DARS1: variants seen among roughly 807,000 people sequenced by gnomAD.
DARS1 encodes aspartyl-tRNA synthetase 1, also known as aspartate--tRNA ligase, cytoplasmic.
In DARS1, 51 loss-of-function variants were observed where a neutral mutation model predicts 68.8. The ratio of observed to expected loss-of-function variants is 0.74; its 90% CI spans 0.59 to 0.94. The LOEUF is 0.94. Ranked by LOEUF, DARS1 falls within the 40% of genes least tolerant of loss-of-function variation. DARS1 has a pLI of 0.00. For synonymous variants in DARS1, 203 were observed against 190.4 expected (o/e 1.07, Z -0.55); for missense variants, 607 against 597.3 (o/e 1.02, Z -0.17).
At chr2:135,940,848 C>T (rs1681579498) in intron 5 of DARS1, among the ~76,000 whole-genome samples, 1 of 152,166 alleles carries the variant, frequency 6.6e-6, no homozygotes, top group Non-Finnish European at 1.5e-5. Flanking sequence ...AAATCACAAG[C>T]CTTCCTATAC....
intron 5 of DARS1, among the ~76,000 whole-genome samples, chr2:135,940,839 A>G (rs1681579372): frequency 1.3e-5 from 2 of 152,194 alleles, no homozygotes; most frequent in Non-Finnish European, 2.9e-5. Flanking sequence ...AATGTACAAA[A>G]ATCACAAGCC....
At position 135,909,594 on chromosome 2, in the gene DARS1, C is replaced by T. The variant is rs112767522; in HGVS notation, c.1414+1545G>A. 1.2e-3 allele frequency among the ~76,000 whole-genome samples: 189 copies of T among 152,228 alleles called. 1 individual carries two copies. The highest frequency in any genetic ancestry group is 4.3e-3 in the African/African-American group (179 of 41,542). On this transcript the variant is annotated intron_variant, in intron 15 of 15. Coordinates refer to ENST00000264161, the MANE Select transcript of DARS1 (RefSeq NM_001349.4). ...TTTATACCCTTTGACCATCTTCTCC[C>T]CATTCCAACAACCATTCTACTCTTT...
At chr2:135,939,251 A>C (rs1382614602) in intron 5 of DARS1, among the ~76,000 whole-genome samples, 1 of 152,244 alleles carries the variant, frequency 6.6e-6, no homozygotes, top group Non-Finnish European at 1.5e-5. Flanking sequence ...TTGACCACAT[A>C]GCTGGAAGCA....
Position 135,907,244 on chromosome 2 carries a change from T to TC in DARS1, c.*71_*72insG. Reference sequence around the variant, plus strand: ...CTGAAAAGAATAAGTGTGGCTTTCTTTTTTTTTTTTTTTTTTTGAGGCAGG... The same window carrying TC: ...CTGAAAAGAATAAGTGTGGCTTTCTTCTTTTTTTTTTTTTTTTTGAGGCAGG... On this transcript the variant is annotated 3_prime_UTR_variant, in exon 16 of 16. Coordinates refer to ENST00000264161, the MANE Select transcript of DARS1 (RefSeq NM_001349.4). 2 of 300,336 alleles carry TC rather than the reference T, an allele frequency of 6.7e-6. No homozygotes were observed. Among genetic ancestry groups the TC allele is most frequent in the South Asian group, 1.4e-4 (2 of 13,952 alleles). 18.6% of individuals were successfully genotyped at this position (300,336 alleles called of 1,614,324 possible). A position where few individuals can be genotyped will look rare whatever the true frequency, so the allele number is the denominator to read the frequency against.
chr2:135,934,636 AAAC>A (rs1681426639), intron 5 of DARS1, among the ~76,000 whole-genome samples: 1 of 152,026 alleles, frequency 6.6e-6, no homozygotes, highest in Non-Finnish European at 1.5e-5. Context: ...ACAAAAACAG[AAAC>A]AAAAACAAAC....
chr2:135,985,531 AG>A lies in DARS1; in HGVS notation c.-64del, dbSNP rs756259004. On this transcript the variant is annotated 5_prime_UTR_variant, in exon 1 of 16. Transcript: ENST00000264161. ...CGCAGGCTTCCGTAAGGCAGGCCAA[AG>A]GGGCTTCTCCCTCCCTCCCAGTCTC... is the stretch of plus-strand genomic sequence containing the variant. The A allele has an allele frequency of 1.2e-6, 2 of 1,612,256 alleles. No individual in the cohort carries two copies. Among genetic ancestry groups the A allele is most frequent in the African/African-American group, 2.7e-5 (2 of 74,882 alleles).
chr2:135,920,382 G>A, intron 10 of DARS1, 71 bp downstream of exon 10: 2 of 1,499,942 alleles, frequency 1.3e-6, no homozygotes, highest in Non-Finnish European at 1.8e-6. Context: ...TGTTTAAATT[G>A]AAGAATTTTT....
At chr2:135,918,784 A>G (rs1161853616) in intron 10 of DARS1, among the ~76,000 whole-genome samples, 1 of 152,226 alleles carries the variant, frequency 6.6e-6, no homozygotes, top group Non-Finnish European at 1.5e-5. Context: ...AAATGAGAAA[A>G]GCTGTGTGTG....
chr2:135,944,167 G>A (rs1243195448), intron 4 of DARS1, among the ~76,000 whole-genome samples: 4 of 152,032 alleles, frequency 2.6e-5, no homozygotes, highest in African/African-American at 9.7e-5. Context: ...AATTTATAAA[G>A]TAGCTTATTA....
intron 7 of DARS1, among the ~76,000 whole-genome samples, chr2:135,930,665 T>C (rs1681321685): frequency 6.6e-6 from 1 of 152,134 alleles, no homozygotes; most frequent in Admixed American, 6.5e-5. Flanking sequence ...GATAAAGAAA[T>C]AAAAGAAATA....
chr2:135,933,446 G>A (rs2104810589), intron 6 of DARS1, among the ~76,000 whole-genome samples: 1 of 152,290 alleles, frequency 6.6e-6, no homozygotes, highest in Admixed American at 6.5e-5. Flanking sequence ...TATATAAACA[G>A]AATGTCATCC....
chr2:135,914,205 T>A (rs1018056351), intron 12 of DARS1, among the ~76,000 whole-genome samples: 1 of 152,190 alleles, frequency 6.6e-6, no homozygotes, highest in Non-Finnish European at 1.5e-5. Flanking sequence ...TAATCCGACA[T>A]AGGTATCACT....
intron 15 of DARS1, chr2:135,910,881 C>A (rs374188335): frequency 8.4e-6 from 3 of 358,824 alleles, no homozygotes; most frequent in Non-Finnish European, 1.6e-5. Flanking sequence ...TGTGCTAATG[C>A]GAATGAACTC....
intron 6 of DARS1, among the ~76,000 whole-genome samples, 174 bp from the exon 7 acceptor site, chr2:135,933,016 A>G (rs960500889): frequency 6.6e-6 from 1 of 152,228 alleles, no homozygotes; most frequent in African/African-American, 2.4e-5. Context: ...GAGAGAAGTT[A>G]GCGTTAAAAG....
At chr2:135,952,755 C>T (rs577624514) in intron 4 of DARS1, among the ~76,000 whole-genome samples, 1 of 152,308 alleles carries the variant, frequency 6.6e-6, no homozygotes, top group African/African-American at 2.4e-5. Context: ...ATATCCCACA[C>T]TTTATCCATT....
intron 10 of DARS1, among the ~76,000 whole-genome samples, chr2:135,919,457 G>A (rs1681070558): frequency 6.6e-6 from 1 of 152,132 alleles, no homozygotes; most frequent in Admixed American, 6.5e-5. Context: ...TGAATTGCTG[G>A]TCTTCAAATA....
At position 135,918,598 on chromosome 2, in the gene DARS1, T is replaced by C. The variant is rs553327932; in HGVS notation, c.959+1855A>G. Among the ~76,000 whole-genome samples, 33 of 152,298 alleles carry C rather than the reference T, an allele frequency of 2.2e-4. No homozygotes were observed. In the South Asian group the frequency reaches 4.1e-3, roughly 19 times the overall value. ...CTGAAAAAGTTCAGCAGTAATGGCG[T>C]TTGAGTCTAATTTGTAAGTAGAGAT... On this transcript the variant is annotated intron_variant, in intron 10 of 15. Transcript: ENST00000264161.
chr2:135,937,877 C>T (rs1681504764), intron 5 of DARS1, among the ~76,000 whole-genome samples: 2 of 152,228 alleles, frequency 1.3e-5, no homozygotes, highest in African/African-American at 4.8e-5. Flanking sequence ...GTCTGATGGG[C>T]TTCCCTTTGC....
At chr2:135,976,293 G>T (rs1013273443) in intron 3 of DARS1, among the ~76,000 whole-genome samples, 2 of 152,088 alleles carry the variant, frequency 1.3e-5, no homozygotes, top group African/African-American at 4.8e-5. Flanking sequence ...TAGTTTTTGT[G>T]CTGTTTGAGT....
Sources: allele counts gnomAD v4.1 joint callset (sites outside exome capture counted in the v4.1 genomes callset), GRCh38; gene constraint gnomAD v4.1.1; transcripts MANE v1.5; gene names NCBI Gene and HGNC (gene_info 2026-07-23, HGNC 2026-07-21).